The following SPTBN2 variants were observed in gnomAD, a reference collection of about 807,000 sequenced individuals.
SPTBN2 encodes the protein spectrin beta, non-erythrocytic 2.
A neutral mutation model predicts 284.2 loss-of-function variants in SPTBN2; 107 were observed. The ratio of observed to expected loss-of-function variants is 0.38; its 90% confidence interval spans 0.32 to 0.44. SPTBN2 has a LOEUF of 0.44. Among genes scored for constraint, SPTBN2 ranks in the 20% least tolerant of loss-of-function variants. The pLI is 1.00. For synonymous variants in SPTBN2, 1,289 were observed against 1,354.8 expected (o/e 0.95, Z 1.07); for missense variants, 2,569 against 3,287.1 (o/e 0.78, Z 5.34).
At chr11:66,722,175 C>T (rs554344193) in intron 1 of SPTBN2, among the ~76,000 whole-genome samples, 55 of 152,292 alleles carry the variant, frequency 3.6e-4, no homozygotes, top group African/African-American at 8.2e-4. Context: ...CAATAAATGT[C>T]GGCTGTGACA....
In SPTBN2 at chr11:66,715,753, T is replaced by A; in HGVS notation, c.309+77A>T. On this transcript the variant is annotated intron_variant, in intron 4 of 37. Transcript: ENST00000533211. This position sits in a 1 kb window ranked among gnomAD's most constrained non-coding sequence, Gnocchi z 5.3. ...TCCCGCCCTGTGCCGTCACTCTCTC[T>A]GAGGGCTGTTCTTCCAGCTGGTCCC... The A allele has an allele frequency of 5.1e-6, 8 of 1,576,222 alleles. No homozygotes were observed. Among genetic ancestry groups the A allele is most frequent in the Non-Finnish European group, 6.9e-6 (8 of 1,160,840 alleles).
intron 36 of SPTBN2, chr11:66,686,708 C>T (rs1940137965): frequency 1.6e-6 from 1 of 629,390 alleles, no homozygotes; most frequent in Non-Finnish European, 2.8e-6. Flanking sequence ...CAGGGACAGG[C>T]CCCTGGAGGT....
At chr11:66,689,665 G>T in intron 29 of SPTBN2, 140 bp downstream of exon 29, 1 of 1,359,902 alleles carries the variant, frequency 7.4e-7, no homozygotes, top group Non-Finnish European at 1.0e-6. Context: ...TCCAGAATGC[G>T]AGAAACCCGT....
chr11:66,719,555 C>A (rs1271062247), intron 3 of SPTBN2, among the ~76,000 whole-genome samples: 2 of 152,246 alleles, frequency 1.3e-5, no homozygotes, highest in Admixed American at 6.5e-5. Flanking sequence ...CACGAGGTCA[C>A]ACAGATGTGT....
At position 66,714,078 on chromosome 11, in the gene SPTBN2, C is replaced by T. The variant is rs1457051378; in HGVS notation, c.656+13G>A. 2 of 1,614,114 alleles carry T rather than the reference C, an allele frequency of 1.2e-6. No homozygotes were observed. The highest frequency in any genetic ancestry group is 1.7e-6 in the Non-Finnish European group (2 of 1,179,954). ...CAGCAGCTCTGCTGCGTTTGCTAACCCCATCTTCTCACCGGTGTTTATGCA... is the reference window on the plus strand; with the variant it reads ...CAGCAGCTCTGCTGCGTTTGCTAACTCCATCTTCTCACCGGTGTTTATGCA... On this transcript the variant is annotated intron_variant, in intron 7 of 37. Coordinates refer to ENST00000533211, the MANE Select transcript of SPTBN2 (RefSeq NM_006946.4).
Position 66,715,318 on chromosome 11 carries a change from C to T in SPTBN2, c.387G>A (p.Gln129=), listed in dbSNP as rs771380687. ...VDKALQFLKE[Q]KVHLENMGSH... is the part of the protein sequence containing the mutation. ...AGCCCATGTTTTCCAAGTGCACTTTCTGCTCCTTGAGGAACTGCAGTGCCT... is the reference window on the plus strand; with the variant it reads ...AGCCCATGTTTTCCAAGTGCACTTTTTGCTCCTTGAGGAACTGCAGTGCCT... Residue 129 remains glutamine (Q), a synonymous_variant, in exon 5 of 38, where the codon CAG becomes CAA. Transcript: ENST00000533211. This position sits in a 1 kb window ranked among gnomAD's most constrained non-coding sequence, Gnocchi z 5.3. 5.0e-6 allele frequency: 8 copies of T among 1,614,248 alleles called. No homozygotes were observed. In the South Asian group the frequency reaches 5.5e-5, roughly 11 times the overall value.
At chr11:66,725,592 A>G (rs1044616610) in intron 1 of SPTBN2, among the ~76,000 whole-genome samples, 2 of 152,204 alleles carry the variant, frequency 1.3e-5, no homozygotes, top group Non-Finnish European at 2.9e-5. Context: ...TCTTCCACAG[A>G]TTCCTGAAGT....
Position 66,689,194 on chromosome 11 carries a change from G to A in SPTBN2, c.5950-14C>T, listed in dbSNP as rs775179213. 3 of 1,596,524 alleles carry A rather than the reference G, an allele frequency of 1.9e-6. No homozygotes were observed. Among genetic ancestry groups the A allele is most frequent in the Non-Finnish European group, 2.6e-6 (3 of 1,170,092 alleles). ...CTTCTCTGAGATCTGGGGGCGGGGG[G>A]CAGAGATATGAGTTAGCACCAGGAT... On this transcript the variant is annotated splice_polypyrimidine_tract_variant and intron_variant, in intron 29 of 37. Coordinates refer to ENST00000533211, the MANE Select transcript of SPTBN2 (RefSeq NM_006946.4).
chr11:66,716,479 CAA>C (rs549470423), intron 3 of SPTBN2, among the ~76,000 whole-genome samples: 4 of 110,410 alleles, frequency 3.6e-5, no homozygotes, highest in African/African-American at 6.8e-5. Context: ...GACTCCGTCT[CAA>C]AAAAAAAAAA....
rs1003023181 is a variant in SPTBN2 at position 66,705,560 on chromosome 11, T to C, written c.1808-92A>G. ...TCTCTTGGACTTCCCTCCCTGGCTT[T>C]AGCTCAGTCACCATCGTTTGGCCAC... On this transcript the variant is annotated intron_variant, in intron 14 of 37. Coordinates refer to ENST00000533211, the MANE Select transcript of SPTBN2 (RefSeq NM_006946.4). 5 of 1,604,796 alleles carry C rather than the reference T, an allele frequency of 3.1e-6. 1 individual carries two copies. The highest frequency in any genetic ancestry group is 3.3e-4 in the Middle Eastern group (2 of 6,080).
chr11:66,722,669 G>C (rs1283223590), intron 1 of SPTBN2, among the ~76,000 whole-genome samples: 1 of 151,700 alleles, frequency 6.6e-6, no homozygotes, highest in Non-Finnish European at 1.5e-5. Flanking sequence ...CAAGGCGGGT[G>C]GCTCACCTGA....
At chr11:66,720,353 G>A (rs1942338371) in intron 3 of SPTBN2, among the ~76,000 whole-genome samples, 1 of 152,208 alleles carries the variant, frequency 6.6e-6, no homozygotes, top group Non-Finnish European at 1.5e-5. Context: ...TGGCCTTGGG[G>A]TGTGTGGGTG....
Position 66,708,387 on chromosome 11 carries a change from C to T in SPTBN2, c.1192-88G>A. The T allele has an allele frequency of 2.2e-6, 3 of 1,339,326 alleles. No homozygotes were observed. Among genetic ancestry groups the T allele is most frequent in the South Asian group, 3.0e-5 (2 of 66,072 alleles). The allele number at this position is 1,339,326 out of a possible 1,614,324, so 83.0% of individuals were successfully genotyped here. On this transcript the variant is annotated intron_variant, in intron 11 of 37. Transcript: ENST00000533211. This position sits in a 1 kb window ranked among gnomAD's most constrained non-coding sequence, Gnocchi z 4.4. ...GCACATGGTAAGTCCCATGGAAGCT[C>T]GGTCTGGTGGATCCGTGGAATGCAG...
Position 66,705,133 on chromosome 11 carries a change from C to T in SPTBN2, c.2143G>A (p.Ala715Thr). Residue 715 changes from alanine to threonine, a missense_variant, in exon 15 of 38, where the codon GCA becomes ACA. Coordinates refer to ENST00000533211, the MANE Select transcript of SPTBN2 (RefSeq NM_006946.4). ...GCTGCACGGGCAGAGGCCTGGCTTGCCCCAGGGTGACCCTCGGCCACCAAC... is the reference window on the plus strand; with the variant it reads ...GCTGCACGGGCAGAGGCCTGGCTTGTCCCAGGGTGACCCTCGGCCACCAAC... ...QQLVAEGHPG[A>T]SQASARAAEL... The T allele has an allele frequency of 6.5e-7, 1 of 1,541,776 alleles. No individual in the cohort carries two copies. Among genetic ancestry groups the T allele is most frequent in the Non-Finnish European group, 8.7e-7 (1 of 1,146,762 alleles).
At position 66,740,970 on chromosome 11, in the gene SPTBN2, C is replaced by A. The variant is rs145061339; in HGVS notation, c.-475+3572G>T. On this transcript the variant is annotated intron_variant, in intron 1 of 37. Transcript: ENST00000611817. ...CAGTCCCTAAAATGTCATTGTTCAT[C>A]TGGCAGCACTCCCTAGGATGTTCTG... Among the ~76,000 whole-genome samples the A allele has an allele frequency of 5.6e-4, 86 of 152,286 alleles. 1 individual carries two copies. The highest frequency in any genetic ancestry group is 2.0e-3 in the African/African-American group (84 of 41,566).
At chr11:66,686,489 C>A in intron 36 of SPTBN2, 49 bp from the exon 37 acceptor site, 1 of 1,606,974 alleles carries the variant, frequency 6.2e-7, no homozygotes, top group Non-Finnish European at 8.5e-7. Context: ...CCGGATCTGC[C>A]AGGTAGCTGC....
rs1430240022 is a variant in SPTBN2 at position 66,693,298 on chromosome 11, C to T, written c.4742G>A (p.Gly1581Glu). ...TCGCAGGGCATCCTCCAGTCGCTTC[C>T]CTCGAAGTTCCAGCTCGTGGCCCAG... is the stretch of plus-strand genomic sequence containing the variant. ...KRLGHELELR[G>E]KRLEDALRAQ... The change falls in exon 24 of 38, where the codon GGG becomes GAG. Residue 1581 changes from glycine to glutamate, a missense_variant. Physicochemically the swap from Gly to Glu is moderately conservative, Grantham distance 98. Coordinates refer to ENST00000533211, the MANE Select transcript of SPTBN2 (RefSeq NM_006946.4). The surrounding 1 kb of genome is among the most constrained non-coding windows in gnomAD (Gnocchi z 5.7). The T allele has an allele frequency of 1.9e-6, 3 of 1,613,308 alleles. No individual in the cohort carries two copies. Among genetic ancestry groups the T allele is most frequent in the African/African-American group, 2.7e-5 (2 of 74,936 alleles).
At chr11:66,686,340 C>T in intron 37 of SPTBN2, 58 bp downstream of exon 37, 1 of 1,604,320 alleles carries the variant, frequency 6.2e-7, no homozygotes, top group Non-Finnish European at 8.5e-7. Context: ...GAAGGGGAGT[C>T]TGCAGCTGGA....
rs773027732 is a variant in SPTBN2 at position 66,721,219 on chromosome 11, T to C, written c.22A>G (p.Thr8Ala). 3.7e-6 allele frequency: 6 copies of C among 1,614,136 alleles called. No individual in the cohort carries two copies. MSSTLSPTDFDSLEIQGQ... is the reference protein window; with the variant it reads MSSTLSPADFDSLEIQGQ... ...TGGATTTCCAAGCTGTCAAAGTCTG[T>C]GGGTGACAGCGTGCTGCTCATGGTG... Residue 8 changes from threonine (T) to alanine (A), a missense_variant, in exon 3 of 38, where the codon ACA (threonine) becomes GCA (alanine). Around this residue, in one of 6 missense-constraint regions of SPTBN2, gnomAD observed 304 missense variants for 522.1 expected, o/e 0.58. Transcript: ENST00000533211.
Sources: gnomAD v4.1 joint callset for allele counts (sites outside exome capture counted in the v4.1 genomes callset) on GRCh38, gnomAD v4.1.1 for gene constraint, gnomAD v4.1.1 regional missense constraint, Gnocchi (gnomAD v3.1) non-coding constraint, MANE v1.5 for transcripts, NCBI Gene and HGNC (gene_info 2026-07-23, HGNC 2026-07-21) for gene names.